Variants in PRKAR2B observed in about 807,000 individuals in gnomAD.
The protein encoded by PRKAR2B is cAMP-dependent protein kinase type II-beta regulatory subunit.
PRKAR2B carries 14 observed loss-of-function variants against 49.9 expected under a neutral mutation model. The observed-to-expected ratio is 0.28, with a 90% CI of 0.19 to 0.44. The LOEUF is 0.44. PRKAR2B is among the 20% of genes least tolerant of loss of function. PRKAR2B has a pLI of 1.00. For missense variants in PRKAR2B, 393 were observed against 537.9 expected (o/e 0.73, Z 2.67); for synonymous variants, 196 against 197.7 (o/e 0.99, Z 0.07).
intron 1 of PRKAR2B, among the ~76,000 whole-genome samples, chr7:107,056,914 G>A (rs1278013877): frequency 6.6e-6 from 1 of 152,202 alleles, no homozygotes; most frequent in African/African-American, 2.4e-5. Context: ...GAACGCACGT[G>A]CACAGGCTTC....
chr7:107,116,866 CATATAT>C (rs922629360), intron 2 of PRKAR2B, among the ~76,000 whole-genome samples: 4 of 143,170 alleles, frequency 2.8e-5, no homozygotes, highest in Non-Finnish European at 6.1e-5. Context: ...TATATATATA[CATATAT>C]ATATATACAC....
intron 2 of PRKAR2B, among the ~76,000 whole-genome samples, chr7:107,094,101 C>T (rs1794789563): frequency 6.6e-6 from 1 of 152,174 alleles, no homozygotes; most frequent in Admixed American, 6.5e-5. Context: ...TCTTCCACAA[C>T]AGTTGAACTA....
At chr7:107,128,144 T>A in intron 3 of PRKAR2B, 68 bp from the exon 4 acceptor site, 1 of 1,055,950 alleles carries the variant, frequency 9.5e-7, no homozygotes, top group South Asian at 1.4e-5. Context: ...TTTGTTAGTT[T>A]TTAAAATCTC....
chr7:107,150,020 A>C (rs1178108907), intron 6 of PRKAR2B, among the ~76,000 whole-genome samples: 2 of 152,116 alleles, frequency 1.3e-5, no homozygotes, highest in Non-Finnish European at 2.9e-5. Context: ...AGTAAAAAAA[A>C]ATTAAAATAT....
At chr7:107,091,734 C>A (rs1794735642) in intron 2 of PRKAR2B, 1 of 152,198 alleles carries the variant, frequency 6.6e-6, no homozygotes, top group South Asian at 2.1e-4. Context: ...CTATTTTGGA[C>A]TTCTTGTAGG....
At chr7:107,102,366 G>A (rs895075612) in intron 2 of PRKAR2B, among the ~76,000 whole-genome samples, 3 of 152,330 alleles carry the variant, frequency 2.0e-5, no homozygotes, top group South Asian at 4.1e-4. Flanking sequence ...GAAAGTTTGT[G>A]AATAATTTAG....
At chr7:107,124,669 C>G (rs140205623) in intron 3 of PRKAR2B, among the ~76,000 whole-genome samples, 116 of 152,334 alleles carry the variant, frequency 7.6e-4, no homozygotes, top group Admixed American at 1.6e-3. Context: ...ATCCACTCAC[C>G]TTGGCCTCCC....
chr7:107,081,775 G>T (rs966780177), intron 2 of PRKAR2B: 5 of 152,128 alleles, frequency 3.3e-5, no homozygotes, highest in Non-Finnish European at 7.4e-5. Context: ...TTTCAGAATA[G>T]TGGAAAGAAG....
intron 2 of PRKAR2B, among the ~76,000 whole-genome samples, chr7:107,083,484 A>G (rs2116791500): frequency 6.6e-6 from 1 of 152,254 alleles, no homozygotes; most frequent in East Asian, 1.9e-4. Context: ...GAGAATCACT[A>G]GTGCAATATT....
At chr7:107,155,020 G>C (rs1341611663) in intron 8 of PRKAR2B, among the ~76,000 whole-genome samples, 1 of 152,152 alleles carries the variant, frequency 6.6e-6, no homozygotes, top group Non-Finnish European at 1.5e-5. Flanking sequence ...CTTATCTTGG[G>C]TCACCACACC....
chr7:107,150,698 T>TAAAA (rs58258955), intron 6 of PRKAR2B, among the ~76,000 whole-genome samples: 1 of 140,630 alleles, frequency 7.1e-6, no homozygotes, highest in African/African-American at 2.6e-5. Context: ...ATGCTTTCTT[T>TAAAA]AAAAAAAAAA....
At chr7:107,097,258 G>A (rs1449897365) in intron 2 of PRKAR2B, among the ~76,000 whole-genome samples, 1 of 152,138 alleles carries the variant, frequency 6.6e-6, no homozygotes, top group African/African-American at 2.4e-5. Flanking sequence ...TTACCATTAT[G>A]TAATGGCCTT....
At chr7:107,153,147 C>T (rs1452759853) in intron 7 of PRKAR2B, 30 bp from the exon 8 acceptor site, 1 of 1,561,610 alleles carries the variant, frequency 6.4e-7, no homozygotes, top group Admixed American at 1.8e-5. Context: ...TAATTTGTTT[C>T]TATTTAATAT....
chr7:107,112,877 T>G (rs1366833840), intron 2 of PRKAR2B, among the ~76,000 whole-genome samples: 1 of 152,158 alleles, frequency 6.6e-6, no homozygotes, highest in Non-Finnish European at 1.5e-5. Context: ...TTTTTAGACT[T>G]CTGATAATCA....
chr7:107,098,048 T>A (rs1374307436), intron 2 of PRKAR2B, among the ~76,000 whole-genome samples: 1 of 152,166 alleles, frequency 6.6e-6, no homozygotes, highest in Non-Finnish European at 1.5e-5. Context: ...TGAATTTGAG[T>A]GTTAGCCTGC....
intron 2 of PRKAR2B, among the ~76,000 whole-genome samples, chr7:107,107,850 G>A (rs911403809): frequency 6.6e-6 from 1 of 152,076 alleles, no homozygotes; most frequent in Non-Finnish European, 1.5e-5. Context: ...TAGAGACGGG[G>A]TTTTACCACG....
chr7:107,115,139 G>A (rs1357513301), intron 2 of PRKAR2B, among the ~76,000 whole-genome samples: 1 of 152,086 alleles, frequency 6.6e-6, no homozygotes, highest in Non-Finnish European at 1.5e-5. Context: ...AAAAAATACA[G>A]TTTTATAGAG....
At chr7:107,150,430 G>A (rs1795962618) in intron 6 of PRKAR2B, among the ~76,000 whole-genome samples, 1 of 151,994 alleles carries the variant, frequency 6.6e-6, no homozygotes, top group South Asian at 2.1e-4. Flanking sequence ...TTCGATAACA[G>A]CATACAATAT....
intron 2 of PRKAR2B, among the ~76,000 whole-genome samples, chr7:107,087,535 C>T (rs189719503): frequency 6.6e-6 from 1 of 152,090 alleles, no homozygotes; most frequent in Non-Finnish European, 1.5e-5. Context: ...CTCTATATGA[C>T]GGGCACTGTT....
Sources: gnomAD v4.1 joint callset for allele counts (sites outside exome capture counted in the v4.1 genomes callset) on GRCh38, gnomAD v4.1.1 for gene constraint, MANE v1.5 for transcripts, NCBI Gene and HGNC (gene_info 2026-07-23, HGNC 2026-07-21) for gene names.